The following IKZF2 variants were observed in gnomAD, a reference collection of about 807,000 sequenced individuals.
The protein encoded by IKZF2 is zinc finger protein Helios.
IKZF2 carries 15 observed loss-of-function variants against 49.2 expected under a neutral mutation model. That is an observed-to-expected ratio of 0.30 (90% CI 0.20 to 0.47). The LOEUF is 0.47. Among genes scored for constraint, IKZF2 ranks in the 20% least tolerant of loss-of-function variants. The probability of loss-of-function intolerance (pLI) is 1.00; values close to 1 mark genes in which losing one functional copy is unlikely to be tolerated. For synonymous variants in IKZF2, 227 were observed against 221.4 expected, an observed-to-expected ratio of 1.03 and a Z score of -0.23; for missense variants, 567 against 664.6, an observed-to-expected ratio of 0.85 and a Z score of 1.61.
chr2:213,012,977 A>G (rs1696139827), intron 8 of IKZF2, among the ~76,000 whole-genome samples: 1 of 152,036 alleles, frequency 6.6e-6, no homozygotes, highest in Admixed American at 6.6e-5. Flanking sequence ...TGCTTTTTGT[A>G]TCCTCAGAGA....
chr2:213,075,701 C>T (rs1470165), intron 4 of IKZF2, among the ~76,000 whole-genome samples: 134,612 of 152,130 alleles, frequency 0.88, 59,734 homozygotes, highest in African/African-American at 0.92. Flanking sequence ...TATACTGACA[C>T]AATAACCATT....
intron 6 of IKZF2, among the ~76,000 whole-genome samples, chr2:213,036,925 A>C (rs1479305988): frequency 6.6e-6 from 1 of 152,158 alleles, no homozygotes; most frequent in African/African-American, 2.4e-5. Flanking sequence ...TTAGAAAAAA[A>C]CATCCAAACA....
intron 6 of IKZF2, among the ~76,000 whole-genome samples, chr2:213,025,292 T>C (rs1395193144): frequency 6.6e-6 from 1 of 152,130 alleles, no homozygotes; most frequent in Non-Finnish European, 1.5e-5. Flanking sequence ...CTAAATGAAG[T>C]GCTCATTTTT....
chr2:213,143,256 A>T (rs551363037), intron 4 of IKZF2, among the ~76,000 whole-genome samples: 5 of 152,094 alleles, frequency 3.3e-5, no homozygotes, highest in African/African-American at 1.2e-4. Context: ...TTAAAAAAGT[A>T]CTTCTAGTGG....
At chr2:213,013,652 TA>T in intron 8 of IKZF2, 138 bp downstream of exon 8, 1 of 728,320 alleles carries the variant, frequency 1.4e-6, no homozygotes, top group Non-Finnish European at 2.2e-6. Context: ...TGTCAGAGAG[TA>T]AAAAAGAATA....
At chr2:213,062,886 T>C (rs1701837139) in intron 4 of IKZF2, among the ~76,000 whole-genome samples, 1 of 152,008 alleles carries the variant, frequency 6.6e-6, no homozygotes, top group Admixed American at 6.6e-5. Context: ...GTTTAAATAA[T>C]GTGTTAGGAA....
chr2:213,151,799 C>CGCGCGTGCGT (rs1320171391), upstream of IKZF2, among the ~76,000 whole-genome samples: 1 of 147,600 alleles, frequency 6.8e-6, no homozygotes, highest in Non-Finnish European at 1.5e-5. Flanking sequence ...CGTGCGTGCG[C>CGCGCGTGCGT]GCGCGTGCGT....
chr2:213,103,047 A>G, intron 4 of IKZF2, among the ~76,000 whole-genome samples: 1 of 152,172 alleles, frequency 6.6e-6, no homozygotes, highest in Non-Finnish European at 1.5e-5. Context: ...ATAATAAGTA[A>G]CCACGTTACT....
chr2:213,008,109 A>C lies in IKZF2; in HGVS notation c.857-25T>G, dbSNP rs1287073835. 3 of 1,501,972 alleles carry C rather than the reference A, an allele frequency of 2.0e-6. No homozygotes were observed. In the African/African-American group the frequency reaches 4.6e-5, roughly 23 times the overall value. The allele number at this position is 1,501,972 out of a possible 1,614,324, so 93.0% of individuals were successfully genotyped here. ...CCTGGAAGGGAGTGGGAGGTGAAAG[A>C]AGTAAAAAAAAAAAAAAAATACAAC... On this transcript the variant is annotated intron_variant, in intron 8 of 8. Coordinates refer to ENST00000434687, the MANE Select transcript of IKZF2 (RefSeq NM_001387220.1).
chr2:213,033,252 T>C (rs1698663299), intron 6 of IKZF2, among the ~76,000 whole-genome samples: 2 of 152,226 alleles, frequency 1.3e-5, no homozygotes, highest in African/African-American at 2.4e-5. Flanking sequence ...GCAGTTCCTT[T>C]ATCCACTGAA....
intron 4 of IKZF2, among the ~76,000 whole-genome samples, chr2:213,068,625 G>A (rs1043124508): frequency 1.3e-5 from 2 of 151,976 alleles, no homozygotes; most frequent in African/African-American, 4.8e-5. Context: ...TACAAAATCT[G>A]GGGTAAAGAT....
At chr2:213,045,295 A>T (rs545811033) in intron 6 of IKZF2, among the ~76,000 whole-genome samples, 1 of 152,232 alleles carries the variant, frequency 6.6e-6, no homozygotes, top group East Asian at 1.9e-4. Context: ...CTGTAGATGC[A>T]GTTTTAGCTG....
chr2:213,022,468 G>A (rs1697329078), intron 6 of IKZF2, among the ~76,000 whole-genome samples: 1 of 151,596 alleles, frequency 6.6e-6, no homozygotes, highest in Non-Finnish European at 1.5e-5. Context: ...AGACAAATCA[G>A]GAGTATCCTA....
At chr2:213,092,165 A>C (rs964462291) in intron 4 of IKZF2, among the ~76,000 whole-genome samples, 14 of 152,076 alleles carry the variant, frequency 9.2e-5, no homozygotes, top group Non-Finnish European at 1.8e-4. Context: ...CGCTGGAACC[A>C]CATATGCACA....
At chr2:213,046,704 G>A (rs1336415222) in intron 6 of IKZF2, among the ~76,000 whole-genome samples, 1 of 152,128 alleles carries the variant, frequency 6.6e-6, no homozygotes, top group African/African-American at 2.4e-5. Context: ...AGAGTTATGA[G>A]GATATATCCT....
chr2:213,150,130 C>T lies in IKZF2; in HGVS notation c.-16+14G>A. The T allele has an allele frequency of 7.8e-6, 10 of 1,281,536 alleles. No individual in the cohort carries two copies. The highest frequency in any genetic ancestry group is 1.0e-5 in the Non-Finnish European group (10 of 968,844). The allele number at this position is 1,281,536 out of a possible 1,614,324, so 79.4% of individuals were successfully genotyped here. On this transcript the variant is annotated intron_variant, in intron 2 of 8. Coordinates refer to ENST00000434687, the MANE Select transcript of IKZF2 (RefSeq NM_001387220.1). Reference sequence around the variant, plus strand: ...GAAAAAGAAAAAGGAGAAAGAGAAACGAAATGTACATACAAAAGAAATTGT... The same window carrying T: ...GAAAAAGAAAAAGGAGAAAGAGAAATGAAATGTACATACAAAAGAAATTGT...
At chr2:213,079,528 A>C (rs1261068320) in intron 4 of IKZF2, among the ~76,000 whole-genome samples, 10 of 148,002 alleles carry the variant, frequency 6.8e-5, no homozygotes, top group Non-Finnish European at 1.5e-4. Flanking sequence ...GGAAGGCAGG[A>C]AGGGAGGGAG....
intron 7 of IKZF2, chr2:213,021,662 A>G: frequency 2.3e-6 from 1 of 439,742 alleles, no homozygotes; most frequent in Non-Finnish European, 4.4e-6. Context: ...AAAATATTCA[A>G]ATAACCAATT....
chr2:213,121,546 T>A (rs1041919134), intron 4 of IKZF2, among the ~76,000 whole-genome samples: 4 of 152,350 alleles, frequency 2.6e-5, no homozygotes, highest in Admixed American at 1.3e-4. Context: ...TCTACCAATA[T>A]TCTTTCTAAC....
Sources: gnomAD v4.1 joint callset for allele counts (sites outside exome capture counted in the v4.1 genomes callset) on GRCh38, gnomAD v4.1.1 for gene constraint, MANE v1.5 for transcripts, NCBI Gene and HGNC (gene_info 2026-07-23, HGNC 2026-07-21) for gene names.